Variants in COL6A5 observed in about 807,000 individuals in gnomAD.
COL6A5 encodes the protein collagen alpha-5(VI) chain.
Under a neutral mutation model 65.6 loss-of-function variants are expected in COL6A5, and 48 were observed. The ratio of observed to expected loss-of-function variants is 0.73; its 90% confidence interval spans 0.58 to 0.93. COL6A5 has a LOEUF of 0.93. Ranked by LOEUF, COL6A5 falls within the 40% of genes least tolerant of loss-of-function variation. COL6A5 has a pLI of 0.00. For synonymous variants in COL6A5, 291 were observed against 322.8 expected (o/e 0.90, Z 1.05); for missense variants, 914 against 928.3 (o/e 0.98, Z 0.20).
At chr3:130,449,266 T>A (rs1709373451) in intron 4 of COL6A5, among the ~76,000 whole-genome samples, 1 of 152,148 alleles carries the variant, frequency 6.6e-6, no homozygotes, top group South Asian at 2.1e-4. Context: ...TTATAGTAAC[T>A]GGGAGGGGTT....
At chr3:130,460,187 A>G (rs1369780504) in intron 5 of COL6A5, among the ~76,000 whole-genome samples, 2 of 152,134 alleles carry the variant, frequency 1.3e-5, no homozygotes, top group Non-Finnish European at 2.9e-5. Context: ...ACACTTTTCA[A>G]GGAAGAAATC....
intron 6 of COL6A5, among the ~76,000 whole-genome samples, chr3:130,390,894 A>C (rs1170808390): frequency 1.3e-5 from 2 of 152,216 alleles, no homozygotes; most frequent in African/African-American, 4.8e-5. Flanking sequence ...ACATGTCCTA[A>C]TGAGATATAT....
chr3:130,360,887 A>G (rs1935082491), intron 1 of COL6A5, among the ~76,000 whole-genome samples: 2 of 152,118 alleles, frequency 1.3e-5, no homozygotes, highest in Non-Finnish European at 2.9e-5. Context: ...CCATGTAACC[A>G]TAATCAGTAT....
chr3:130,376,849 T>C lies in COL6A5; in HGVS notation c.667+13T>C. 11 of 1,594,638 alleles carry C rather than the reference T, an allele frequency of 6.9e-6. No individual in the cohort carries two copies. Among genetic ancestry groups the C allele is most frequent in the Non-Finnish European group, 7.7e-6 (9 of 1,170,038 alleles). ...GCTGATATGCAAGGTAAGGAAACCC[T>C]TGGTTGAAGAGGTGCCTGATCCCCA... On this transcript the variant is annotated intron_variant and NMD_transcript_variant, in intron 3 of 41. Transcript: ENST00000312481.
At chr3:130,476,969 G>T (rs530011078) in intron 7 of COL6A5, 13 of 840,298 alleles carry the variant, frequency 1.5e-5, no homozygotes, top group Non-Finnish European at 2.5e-5. Flanking sequence ...ATATCAGCTT[G>T]TCTTTTTCTT....
rs528804923 is a variant in COL6A5, at chr3:130,436,251, CATTT to C, written c.488-3263_488-3260del. Among the ~76,000 whole-genome samples, 54 of 150,448 alleles carry C rather than the reference CATTT, an allele frequency of 3.6e-4. No homozygotes were observed. The South Asian group carries it at 0.01, about 29-fold the overall frequency. On this transcript the variant is annotated intron_variant, in intron 1 of 7. Coordinates refer to ENST00000512836, the Ensembl canonical transcript of COL6A5. Reference sequence around the variant, plus strand: ...TACTTTTAATAGTTTAATATATTATCATTTATTTATTATTATATTATTTAGTATT... The same window carrying C: ...TACTTTTAATAGTTTAATATATTATCATTTATTATTATATTATTTAGTATT...
At chr3:130,385,037 A>G in exon 5 of COL6A5, 2 of 1,550,916 alleles carry the variant, frequency 1.3e-6, no homozygotes, top group Non-Finnish European at 1.7e-6. Flanking sequence ...TATTTTTAAC[A>G]TTAAGCAACT....
chr3:130,386,753 G>A (rs1166389049), intron 5 of COL6A5, among the ~76,000 whole-genome samples: 2 of 152,018 alleles, frequency 1.3e-5, no homozygotes, highest in African/African-American at 4.8e-5. Context: ...TGCACTTCAG[G>A]TAGTTGCAGT....
At chr3:130,433,986 A>C (rs1305233586) in intron 1 of COL6A5, among the ~76,000 whole-genome samples, 1 of 151,740 alleles carries the variant, frequency 6.6e-6, no homozygotes. Context: ...AAAACAAAAA[A>C]AACAGGATAC....
intron 4 of COL6A5, among the ~76,000 whole-genome samples, chr3:130,452,829 T>C (rs557799388): frequency 6.6e-6 from 1 of 152,122 alleles, no homozygotes; most frequent in Non-Finnish European, 1.5e-5. Context: ...GACCATAGAA[T>C]ACGGCCACAC....
chr3:130,453,349 C>T (rs1430535328), intron 4 of COL6A5, among the ~76,000 whole-genome samples: 3 of 152,162 alleles, frequency 2.0e-5, no homozygotes, highest in Non-Finnish European at 4.4e-5. Context: ...AATCCACGTT[C>T]TTCTGACATG....
chr3:130,415,692 G>T, exon 23 of COL6A5: 6 of 1,548,264 alleles, frequency 3.9e-6, no homozygotes, highest in Non-Finnish European at 5.2e-6. Flanking sequence ...GAAGCCAGGG[G>T]CAGAAAGGAC....
At chr3:130,466,756 CA>C (rs1356716443) in intron 5 of COL6A5, among the ~76,000 whole-genome samples, 4 of 152,002 alleles carry the variant, frequency 2.6e-5, no homozygotes, top group African/African-American at 9.6e-5. Flanking sequence ...CACAACTTTC[CA>C]ATATCAGAAA....
chr3:130,402,359 G>A (rs1455991178), intron 12 of COL6A5, among the ~76,000 whole-genome samples: 1 of 152,126 alleles, frequency 6.6e-6, no homozygotes, highest in African/African-American at 2.4e-5. Context: ...CAGATTAATA[G>A]CCTTTTAAAA....
intron 1 of COL6A5, among the ~76,000 whole-genome samples, chr3:130,362,442 C>A (rs551044869): frequency 6.6e-6 from 1 of 150,628 alleles, no homozygotes; most frequent in African/African-American, 2.4e-5. Context: ...GACCAGTTGA[C>A]TGTATTTGTG....
intron 7 of COL6A5, among the ~76,000 whole-genome samples, chr3:130,472,827 G>GTATATATATATATATATATATA (rs1348903661): frequency 1.1e-4 from 2 of 17,732 alleles, no homozygotes; most frequent in East Asian, 1.4e-3. Context: ...ATATGTGTGT[G>GTATATATATATATATATATATA]TATACATATA....
chr3:130,475,649 G>A (rs904168981), intron 7 of COL6A5, among the ~76,000 whole-genome samples: 5 of 152,092 alleles, frequency 3.3e-5, no homozygotes, highest in African/African-American at 1.2e-4. Flanking sequence ...GTTGGAGTGA[G>A]GTCAAATGAC....
chr3:130,357,589 A>T (rs1182578274), intron 1 of COL6A5, among the ~76,000 whole-genome samples: 1 of 152,240 alleles, frequency 6.6e-6, no homozygotes, highest in Non-Finnish European at 1.5e-5. Flanking sequence ...AACAGCACAT[A>T]AAAGGAAATG....
exon 3 of COL6A5, chr3:130,440,603 G>C (rs1008414285): frequency 6.2e-7 from 1 of 1,613,412 alleles, no homozygotes; most frequent in South Asian, 1.1e-5. Context: ...CTCAGCTGGA[G>C]AAAATTATGA....
Sources: gnomAD v4.1 joint callset for allele counts (sites outside exome capture counted in the v4.1 genomes callset) on GRCh38, gnomAD v4.1.1 for gene constraint, MANE v1.5 for transcripts, NCBI Gene and HGNC (gene_info 2026-07-23, HGNC 2026-07-21) for gene names.